CUBN: variants seen among roughly 807,000 people sequenced by gnomAD.
The protein encoded by CUBN is cubilin.
A neutral mutation model predicts 405.3 loss-of-function variants in CUBN; 282 were observed. That is an observed-to-expected ratio of 0.70 (90% CI 0.63 to 0.77). The LOEUF (loss-of-function observed/expected upper bound fraction) is 0.77. CUBN is among the 30% of genes least tolerant of loss of function. CUBN has a pLI of 0.00. For synonymous variants in CUBN, 1,684 were observed against 1,617.0 expected (o/e 1.04, Z -0.99); for missense variants, 4,514 against 4,475.2 (o/e 1.01, Z -0.25).
chr10:16,856,279 G>T (rs545358813), intron 59 of CUBN, among the ~76,000 whole-genome samples: 4 of 152,036 alleles, frequency 2.6e-5, no homozygotes, highest in African/African-American at 7.2e-5. Flanking sequence ...TCATCAATCA[G>T]GTGTGTCAGT....
rs546630293 is a variant in CUBN at position 16,922,033 on chromosome 10, C to T, written c.6647-1896G>A. 2.6e-5 allele frequency among the ~76,000 whole-genome samples: 4 copies of T among 152,242 alleles called. No individual in the cohort carries two copies. In the East Asian group the frequency reaches 5.8e-4, roughly 22 times the overall value. ...GGACACTCTGCATCCACTCTTACTG[C>T]CTTATTTTTCTCCTTGATACCTTTC... is the stretch of plus-strand genomic sequence containing the variant. On this transcript the variant is annotated intron_variant, in intron 43 of 66. Transcript: ENST00000377833.
At chr10:16,833,313 A>G (rs534034748) in intron 64 of CUBN, among the ~76,000 whole-genome samples, 9 of 152,326 alleles carry the variant, frequency 5.9e-5, no homozygotes, top group Admixed American at 5.9e-4. Flanking sequence ...GGCACAAAGA[A>G]TAACTGTATT....
At chr10:17,036,590 C>A (rs370321825) in intron 27 of CUBN, among the ~76,000 whole-genome samples, 1 of 152,030 alleles carries the variant, frequency 6.6e-6, no homozygotes, top group African/African-American at 2.4e-5. Flanking sequence ...CAAGGAGAAC[C>A]AGCAGGGCTG....
rs778456388 is a variant in CUBN at position 17,115,546 on chromosome 10, G to A, written c.645C>T (p.Asp215=). 78 of 1,614,134 alleles carry A rather than the reference G, an allele frequency of 4.8e-5. 1 individual carries two copies. Among genetic ancestry groups the A allele is most frequent in the East Asian group, 1.3e-4 (6 of 44,876 alleles). ...GTGCCACAGAACCCCCTTCACAGTCGTCATATTTGGATGCACACTGGGGTC... is the reference window on the plus strand; with the variant it reads ...GTGCCACAGAACCCCCTTCACAGTCATCATATTTGGATGCACACTGGGGTC... ...TYGPQCASKY[D]DCEGGSVARC... is the part of the protein sequence containing the mutation. The change falls in exon 7 of 67, where the codon GAC becomes GAT. Residue 215 remains aspartate (D), a synonymous_variant. Transcript: ENST00000377833.
At position 16,824,393 on chromosome 10, in the gene CUBN, A is replaced by G. The variant is rs1363985685; in HGVS notation, c.*582T>C. 1 of 156,392 alleles carries G rather than the reference A, an allele frequency of 6.4e-6. No homozygotes were observed. The highest frequency in any genetic ancestry group is 1.4e-5 in the Non-Finnish European group (1 of 70,542). 9.7% of individuals were successfully genotyped at this position (156,392 alleles called of 1,614,324 possible). On this transcript the variant is annotated 3_prime_UTR_variant, in exon 67 of 67. Coordinates refer to ENST00000377833, the MANE Select transcript of CUBN (RefSeq NM_001081.4). ...TAAAAATGTATGTCACATATGCCATAATCATTTCCAACTCTTTCAAAGTTT... is the reference window on the plus strand; with the variant it reads ...TAAAAATGTATGTCACATATGCCATGATCATTTCCAACTCTTTCAAAGTTT...
At chr10:16,966,099 T>C (rs1180360735) in intron 31 of CUBN, 3 of 426,072 alleles carry the variant, frequency 7.0e-6, no homozygotes, top group African/African-American at 2.1e-5. Context: ...GCTCTGGAAA[T>C]AGGGTGGGAG....
chr10:16,931,753 A>G (rs1041353394), intron 40 of CUBN, among the ~76,000 whole-genome samples: 5 of 152,344 alleles, frequency 3.3e-5, no homozygotes, highest in Non-Finnish European at 5.9e-5. Context: ...GACCTGTGCA[A>G]AGCCACACAG....
At chr10:16,931,381 T>C (rs1324625371) in intron 40 of CUBN, among the ~76,000 whole-genome samples, 1 of 152,182 alleles carries the variant, frequency 6.6e-6, no homozygotes. Flanking sequence ...AATAAATAAT[T>C]AAACAAATGA....
chr10:16,868,819 C>G (rs1840263145), intron 59 of CUBN, among the ~76,000 whole-genome samples: 1 of 152,134 alleles, frequency 6.6e-6, no homozygotes, highest in Non-Finnish European at 1.5e-5. Context: ...GCATCAGCTT[C>G]CAACTAGACA....
intron 17 of CUBN, among the ~76,000 whole-genome samples, chr10:17,082,155 C>T (rs1265714100): frequency 6.6e-6 from 1 of 152,092 alleles, no homozygotes; most frequent in Non-Finnish European, 1.5e-5. Context: ...TTTTTTTTAA[C>T]ACTTCAAGCT....
chr10:17,038,484 G>C (rs184133705), intron 27 of CUBN, among the ~76,000 whole-genome samples: 138 of 152,222 alleles, frequency 9.1e-4, no homozygotes, highest in African/African-American at 3.2e-3. Context: ...GTTTCCAATG[G>C]GATCTTTTCA....
At chr10:16,858,674 CT>C (rs1055334335) in intron 59 of CUBN, among the ~76,000 whole-genome samples, 1 of 152,190 alleles carries the variant, frequency 6.6e-6, no homozygotes, top group African/African-American at 2.4e-5. Flanking sequence ...GCTAAAACAA[CT>C]TCACAAAGAA....
At chr10:16,957,295 C>T (rs1843091899) in intron 31 of CUBN, among the ~76,000 whole-genome samples, 1 of 152,200 alleles carries the variant, frequency 6.6e-6, no homozygotes, top group South Asian at 2.1e-4. Flanking sequence ...CAATATTTAT[C>T]TTTCTGTGCC....
chr10:16,840,426 G>A lies in CUBN; in HGVS notation c.9936C>T (p.Ser3312=), dbSNP rs1839309275. 1.9e-6 allele frequency: 3 copies of A among 1,614,096 alleles called. No homozygotes were observed. Among genetic ancestry groups the A allele is most frequent in the South Asian group, 1.1e-5 (1 of 91,086 alleles). ...PFSICTWVID[S]PPHQQVKITV... ...TTATCTTGACCTGCTGATGCGGAGG[G>A]GAATCAATGACCCAAGTACAGATGG... The change falls in exon 62 of 67, where the codon TCC becomes TCT. Residue 3312 remains serine, a synonymous_variant. Transcript: ENST00000377833.
intron 28 of CUBN, among the ~76,000 whole-genome samples, chr10:17,001,483 G>A (rs1053277827): frequency 6.6e-6 from 1 of 152,180 alleles, no homozygotes; most frequent in African/African-American, 2.4e-5. Flanking sequence ...CAAACTTTTA[G>A]CTAGCCACAG....
intron 29 of CUBN, among the ~76,000 whole-genome samples, chr10:16,986,094 G>A (rs1330949865): frequency 2.0e-5 from 3 of 152,210 alleles, no homozygotes; most frequent in Non-Finnish European, 2.9e-5. Flanking sequence ...TCATCTTCAG[G>A]TCTTTTCAAA....
chr10:16,922,758 T>C (rs1842072347), intron 43 of CUBN, among the ~76,000 whole-genome samples: 2 of 152,142 alleles, frequency 1.3e-5, no homozygotes, highest in East Asian at 3.8e-4. Flanking sequence ...CCACTTCCCC[T>C]GGAACCCTCT....
intron 50 of CUBN, among the ~76,000 whole-genome samples, chr10:16,904,526 T>C (rs1841501870): frequency 6.6e-6 from 1 of 152,240 alleles, no homozygotes; most frequent in African/African-American, 2.4e-5. Flanking sequence ...ATTTGAAAGA[T>C]TTCTTCACTA....
chr10:17,118,347 C>T (rs1024228212), intron 6 of CUBN, among the ~76,000 whole-genome samples: 31 of 152,180 alleles, frequency 2.0e-4, no homozygotes, highest in Admixed American at 5.9e-4. Context: ...TAGGTCTACC[C>T]GACTCCTGCA....
Sources: allele counts gnomAD v4.1 joint callset (sites outside exome capture counted in the v4.1 genomes callset), GRCh38; gene constraint gnomAD v4.1.1; transcripts MANE v1.5; gene names NCBI Gene and HGNC (gene_info 2026-07-23, HGNC 2026-07-21).